Variants in NPAS2 observed in about 807,000 individuals in gnomAD.
NPAS2 encodes neuronal PAS domain protein 2.
Under a neutral mutation model 107.5 loss-of-function variants are expected in NPAS2, and 23 were observed. The ratio of observed to expected loss-of-function variants is 0.21; its 90% confidence interval spans 0.15 to 0.30. The LOEUF (loss-of-function observed/expected upper bound fraction) is 0.30. NPAS2 is among the 10% of genes least tolerant of loss of function. The pLI, the probability that NPAS2 is intolerant of heterozygous loss-of-function variation, is 1.00. For missense variants in NPAS2, 756 were observed against 1,043.3 expected (o/e 0.72, Z 3.79); for synonymous variants, 403 against 417.5 (o/e 0.97, Z 0.42).
intron 1 of NPAS2, among the ~76,000 whole-genome samples, chr2:100,846,513 C>T (rs1427390352): frequency 6.6e-6 from 1 of 152,112 alleles, no homozygotes; most frequent in East Asian, 1.9e-4. Flanking sequence ...CTCCTAATAA[C>T]AACTCTTGTA....
At chr2:100,844,074 T>C (rs1200359131) in intron 1 of NPAS2, among the ~76,000 whole-genome samples, 1 of 152,240 alleles carries the variant, frequency 6.6e-6, no homozygotes, top group Admixed American at 6.5e-5. Context: ...CAGGGCCGTG[T>C]CAGCTCTCAC....
rs562192363 is a variant in NPAS2 at position 100,965,069 on chromosome 2, G to C, written c.800+126G>C. 3.7e-5 allele frequency: 22 copies of C among 602,076 alleles called. No homozygotes were observed. In the African/African-American group the frequency reaches 4.1e-4, roughly 11 times the overall value. The allele number at this position is 602,076 out of a possible 1,614,324, so 37.3% of individuals were successfully genotyped here. ...AAAGAGGAGGACTCTCTGGCACTAG[G>C]AAAAGTCGTCCCTGCCAAGGGTGGG... is the stretch of plus-strand genomic sequence containing the variant. On this transcript the variant is annotated intron_variant, in intron 9 of 20. Coordinates refer to ENST00000335681, the MANE Select transcript of NPAS2 (RefSeq NM_002518.4). The surrounding 1 kb of genome is among the most constrained non-coding windows in gnomAD (Gnocchi z 4.3).
rs192982015 is a variant in NPAS2 at position 100,924,685 on chromosome 2, G to A, written c.33-461G>A. On this transcript the variant is annotated intron_variant, in intron 2 of 20. Coordinates refer to ENST00000335681, the MANE Select transcript of NPAS2 (RefSeq NM_002518.4). Reference sequence around the variant, plus strand: ...AGGGCGATGAGCTCTTTGGAGCAGGGGCCAGGACATATGCACTGGTGGCAC... The same window carrying A: ...AGGGCGATGAGCTCTTTGGAGCAGGAGCCAGGACATATGCACTGGTGGCAC... Among the ~76,000 whole-genome samples the A allele has an allele frequency of 3.4e-3, 511 of 152,268 alleles. 4 individuals are homozygous for A. Among genetic ancestry groups the A allele is most frequent in the Non-Finnish European group, 4.9e-3 (335 of 68,020 alleles).
chr2:100,881,617 C>T (rs1053460869), intron 1 of NPAS2, among the ~76,000 whole-genome samples: 5 of 151,776 alleles, frequency 3.3e-5, no homozygotes, highest in East Asian at 1.9e-4. Context: ...ACCCAGGAGG[C>T]GGAGGTTGCG....
chr2:100,988,719 C>A, intron 17 of NPAS2: 1 of 329,268 alleles, frequency 3.0e-6, no homozygotes, highest in Admixed American at 4.7e-5. Context: ...CCCAGGTGCC[C>A]CCTGCTCCTC....
At chr2:100,903,158 G>C (rs1008351030) in intron 1 of NPAS2, among the ~76,000 whole-genome samples, 3 of 152,216 alleles carry the variant, frequency 2.0e-5, no homozygotes, top group African/African-American at 7.2e-5. Flanking sequence ...AGGGGCCCCT[G>C]GTAAAGAACA....
Position 100,824,150 on chromosome 2 carries a change from G to A in NPAS2, c.-23+3736G>A, listed in dbSNP as rs7587911. On this transcript the variant is annotated intron_variant, in intron 1 of 20. Transcript: ENST00000335681. ...GGCTGGAAAGCAAGGAGGACGAAGA[G>A]GTTACTAAAATATGTTCCATGTAGT... 5.4e-3 allele frequency among the ~76,000 whole-genome samples: 826 copies of A among 152,290 alleles called. 11 individuals are homozygous for A. The highest frequency in any genetic ancestry group is 0.019 in the African/African-American group (787 of 41,560).
At chr2:100,961,821 G>A (rs1213967235) in intron 7 of NPAS2, among the ~76,000 whole-genome samples, 1 of 152,204 alleles carries the variant, frequency 6.6e-6, no homozygotes, top group Non-Finnish European at 1.5e-5. Context: ...GTTCAAAGAT[G>A]TTGCATCGTT....
chr2:100,929,132 T>A (rs920907151), intron 3 of NPAS2, among the ~76,000 whole-genome samples: 3 of 152,222 alleles, frequency 2.0e-5, no homozygotes, highest in Non-Finnish European at 2.9e-5. Flanking sequence ...CTCGAACTCC[T>A]GGCCTCAAGT....
At chr2:100,903,230 G>T (rs1160883071) in intron 1 of NPAS2, among the ~76,000 whole-genome samples, 12 of 152,198 alleles carry the variant, frequency 7.9e-5, no homozygotes, top group Non-Finnish European at 1.5e-5. Context: ...CTCCTTGGAA[G>T]CACAGGCTTG....
At chr2:100,922,851 G>A (rs945290248) in intron 2 of NPAS2, among the ~76,000 whole-genome samples, 21 of 152,272 alleles carry the variant, frequency 1.4e-4, no homozygotes, top group Admixed American at 1.2e-3. Context: ...AGGAGCCTTC[G>A]TCGGAGTTGC....
At chr2:100,889,246 C>A (rs1398840744) in intron 1 of NPAS2, among the ~76,000 whole-genome samples, 1 of 152,206 alleles carries the variant, frequency 6.6e-6, no homozygotes, top group Non-Finnish European at 1.5e-5. Context: ...TTGTTGAATA[C>A]CTGCATGGGA....
intron 1 of NPAS2, among the ~76,000 whole-genome samples, chr2:100,869,828 A>AT (rs1468466877): frequency 6.6e-6 from 1 of 151,344 alleles, no homozygotes; most frequent in Non-Finnish European, 1.5e-5. Flanking sequence ...TCCTGTGAGC[A>AT]TGCTAGTTCA....
At chr2:100,882,418 G>A (rs922590569) in intron 1 of NPAS2, among the ~76,000 whole-genome samples, 6 of 152,156 alleles carry the variant, frequency 3.9e-5, no homozygotes, top group African/African-American at 1.2e-4. Flanking sequence ...GACCATCCTG[G>A]CTAACACAGT....
chr2:100,925,158 C>G lies in NPAS2; in HGVS notation c.45C>G (p.Asn15Lys), dbSNP rs1421526436. Residue 15 changes from asparagine (N) to lysine (K), a missense_variant, in exon 3 of 21, where the codon AAC becomes AAG. Transcript: ENST00000335681. ...EKDRAKRASR[N>K]KSEKKRRDQF... ...TTTGTGTTTACAGAGCTTCTCGAAA[C>G]AAGTCTGAGAAGAAGCGTCGGGACC... The G allele has an allele frequency of 6.2e-7, 1 of 1,611,520 alleles. No homozygotes were observed. The highest frequency in any genetic ancestry group is 8.5e-7 in the Non-Finnish European group (1 of 1,178,076).
At chr2:100,894,127 T>C (rs1236377532) in intron 1 of NPAS2, among the ~76,000 whole-genome samples, 2 of 152,208 alleles carry the variant, frequency 1.3e-5, no homozygotes, top group Non-Finnish European at 2.9e-5. Flanking sequence ...AGAATTCTAA[T>C]CAGTTGTGTA....
At chr2:100,959,102 A>C (rs1014141337) in intron 7 of NPAS2, among the ~76,000 whole-genome samples, 4 of 143,402 alleles carry the variant, frequency 2.8e-5, no homozygotes, top group African/African-American at 5.5e-5. Flanking sequence ...AAAAAAAAAA[A>C]AAAAAAACAA....
At chr2:100,893,584 T>G (rs1363330900) in intron 1 of NPAS2, among the ~76,000 whole-genome samples, 1 of 152,130 alleles carries the variant, frequency 6.6e-6, no homozygotes, top group Non-Finnish European at 1.5e-5. Flanking sequence ...CAGGGAAAAT[T>G]CATGATGATA....
intron 1 of NPAS2, among the ~76,000 whole-genome samples, chr2:100,886,183 G>A (rs963390251): frequency 6.6e-6 from 1 of 152,260 alleles, no homozygotes; most frequent in Non-Finnish European, 1.5e-5. Context: ...CGTTAGTGAG[G>A]GTGGGTGGGA....
Sources: gnomAD v4.1 joint callset for allele counts (sites outside exome capture counted in the v4.1 genomes callset) on GRCh38, gnomAD v4.1.1 for gene constraint, Gnocchi (gnomAD v3.1) non-coding constraint, MANE v1.5 for transcripts, NCBI Gene and HGNC (gene_info 2026-07-23, HGNC 2026-07-21) for gene names.